The following AKT3 variants were observed in gnomAD, a reference collection of about 807,000 sequenced individuals.
The protein encoded by AKT3 is AKT serine/threonine kinase 3, also known as RAC-gamma serine/threonine-protein kinase.
A neutral mutation model predicts 65.3 loss-of-function variants in AKT3; 15 were observed. The ratio of observed to expected loss-of-function variants is 0.23; its 90% CI spans 0.15 to 0.35. The LOEUF is 0.35. Among genes scored for constraint, AKT3 ranks in the 10% least tolerant of loss-of-function variants. AKT3 has a pLI of 1.00. For synonymous variants in AKT3, 206 were observed against 183.8 expected, an observed-to-expected ratio of 1.12 and a Z score of -0.98; for missense variants, 243 against 576.5, an observed-to-expected ratio of 0.42 and a Z score of 5.92.
At chr1:243,638,996 C>T (rs1016544420) in intron 5 of AKT3, among the ~76,000 whole-genome samples, 2 of 151,900 alleles carry the variant, frequency 1.3e-5, no homozygotes, top group Non-Finnish European at 2.9e-5. Flanking sequence ...CCAGGTTGGT[C>T]AGAAAAATAG....
intron 12 of AKT3, among the ~76,000 whole-genome samples, chr1:243,518,555 G>A (rs1294325640): frequency 1.3e-5 from 2 of 152,226 alleles, no homozygotes; most frequent in Middle Eastern, 3.4e-3. Flanking sequence ...AACCTGGGAG[G>A]TGGAGGTTGC....
At position 243,670,522 on chromosome 1, in the gene AKT3, C is replaced by T. The variant is rs115830712; in HGVS notation, c.173-5639G>A. ...TAGAAGAATATTTGCCTTTTGGTTA[C>T]GTAAAGATTCCCAACGCAAGGTAGG... On this transcript the variant is annotated intron_variant, in intron 3 of 13. Transcript: ENST00000673466. Among the ~76,000 whole-genome samples the T allele has an allele frequency of 9.2e-3, 1,398 of 152,142 alleles. 20 individuals are homozygous for T. Among genetic ancestry groups the T allele is most frequent in the African/African-American group, 0.032 (1,323 of 41,504 alleles).
chr1:243,732,663 A>T (rs1349068036), intron 2 of AKT3, among the ~76,000 whole-genome samples: 1 of 152,210 alleles, frequency 6.6e-6, no homozygotes, highest in Non-Finnish European at 1.5e-5. Flanking sequence ...ATGGTGACAC[A>T]TCTATTGTTA....
intron 2 of AKT3, among the ~76,000 whole-genome samples, chr1:243,716,386 T>C (rs1300077907): frequency 1.3e-5 from 2 of 152,202 alleles, no homozygotes; most frequent in Non-Finnish European, 2.9e-5. Context: ...TCATAAGATC[T>C]AGCAGGTACC....
chr1:243,728,533 T>G (rs984110280), intron 2 of AKT3, among the ~76,000 whole-genome samples: 2 of 152,340 alleles, frequency 1.3e-5, no homozygotes, highest in African/African-American at 4.8e-5. Flanking sequence ...TACTAGCAAT[T>G]GTGAATTTAG....
chr1:243,713,542 A>C (rs1175225833), intron 2 of AKT3, among the ~76,000 whole-genome samples: 3 of 151,994 alleles, frequency 2.0e-5, no homozygotes, highest in African/African-American at 7.3e-5. Context: ...GCGTCTCTCC[A>C]AACAACCTCT....
intron 2 of AKT3, among the ~76,000 whole-genome samples, chr1:243,763,593 T>C (rs1689632136): frequency 6.6e-6 from 1 of 152,054 alleles, no homozygotes; most frequent in African/African-American, 2.4e-5. Flanking sequence ...AGAGCAGATG[T>C]ACACATCAAA....
chr1:243,549,968 C>T (rs1334019760), intron 11 of AKT3, among the ~76,000 whole-genome samples: 1 of 152,206 alleles, frequency 6.6e-6, no homozygotes, highest in East Asian at 1.9e-4. Context: ...ATATTCTACA[C>T]TCTAGTCACT....
At chr1:243,817,798 G>A (rs1558840967) in intron 2 of AKT3, among the ~76,000 whole-genome samples, 1 of 152,102 alleles carries the variant, frequency 6.6e-6, no homozygotes, top group East Asian at 1.9e-4. Context: ...TCAAAAACCT[G>A]GCTGAAAGTA....
At chr1:243,546,779 T>C (rs1672704305) in intron 11 of AKT3, 1 of 152,122 alleles carries the variant, frequency 6.6e-6, no homozygotes, top group African/African-American at 2.4e-5. Flanking sequence ...AAACATACAA[T>C]GTTGTGTATT....
intron 10 of AKT3, among the ~76,000 whole-genome samples, chr1:243,554,344 A>G (rs1673271102): frequency 6.6e-6 from 1 of 152,184 alleles, no homozygotes; most frequent in East Asian, 1.9e-4. Flanking sequence ...ATATGAACAC[A>G]TGTTTAGATC....
intron 12 of AKT3, among the ~76,000 whole-genome samples, chr1:243,529,716 C>T (rs761205162): frequency 1.1e-4 from 16 of 152,060 alleles, no homozygotes; most frequent in Non-Finnish European, 2.1e-4. Flanking sequence ...TTCAAAGTTG[C>T]GTAATGTAAT....
chr1:243,531,999 G>C (rs925181391), intron 12 of AKT3, among the ~76,000 whole-genome samples: 2 of 152,228 alleles, frequency 1.3e-5, no homozygotes, highest in Non-Finnish European at 2.9e-5. Context: ...CTAAGCACAA[G>C]TGTGGCACGT....
At chr1:243,802,281 T>A (rs1692426322) in intron 2 of AKT3, among the ~76,000 whole-genome samples, 1 of 152,122 alleles carries the variant, frequency 6.6e-6, no homozygotes, top group Non-Finnish European at 1.5e-5. Context: ...TTACAAAAAG[T>A]TCCATATGAC....
At chr1:243,850,301 C>T (rs1377498818), upstream of AKT3, among the ~76,000 whole-genome samples, 1 of 123,226 alleles carries the variant, frequency 8.1e-6, no homozygotes, top group African/African-American at 3.0e-5. Flanking sequence ...CGGGAGGCGG[C>T]GGCGGCGGCG....
chr1:243,798,476 G>T (rs546269361), intron 2 of AKT3, among the ~76,000 whole-genome samples: 12 of 130,212 alleles, frequency 9.2e-5, no homozygotes, highest in South Asian at 2.5e-4. Flanking sequence ...CTGGGCTCAA[G>T]CAATCTGCCT....
At chr1:243,594,829 C>T (rs1676483281) in intron 8 of AKT3, among the ~76,000 whole-genome samples, 1 of 152,162 alleles carries the variant, frequency 6.6e-6, no homozygotes, top group Non-Finnish European at 1.5e-5. Flanking sequence ...GTCTTCCTGC[C>T]TCAGCCTCCC....
intron 6 of AKT3, among the ~76,000 whole-genome samples, chr1:243,623,420 T>C (rs895537943): frequency 1.3e-5 from 2 of 152,176 alleles, no homozygotes; most frequent in Non-Finnish European, 2.9e-5. Flanking sequence ...CTAATAGCTG[T>C]TTCTGTGTTT....
chr1:243,681,241 A>G (rs1683898002), intron 3 of AKT3, among the ~76,000 whole-genome samples: 1 of 152,176 alleles, frequency 6.6e-6, no homozygotes, highest in African/African-American at 2.4e-5. Context: ...ATGTGTATGT[A>G]TGTACATATA....
Sources: gnomAD v4.1 joint callset for allele counts (sites outside exome capture counted in the v4.1 genomes callset) on GRCh38, gnomAD v4.1.1 for gene constraint, MANE v1.5 for transcripts, NCBI Gene and HGNC (gene_info 2026-07-23, HGNC 2026-07-21) for gene names.